Variants in RYK observed in about 807,000 individuals in gnomAD.
RYK encodes the protein receptor like tyrosine kinase, also known as inactive tyrosine-protein kinase RYK.
In RYK, 21 loss-of-function variants were observed where a neutral mutation model predicts 70.2. That is an observed-to-expected ratio of 0.30 (90% CI 0.21 to 0.43). The LOEUF (loss-of-function observed/expected upper bound fraction) is 0.43, where lower values mean the gene tolerates loss of function less well. Among genes scored for constraint, RYK ranks in the 20% least tolerant of loss-of-function variants. The probability of loss-of-function intolerance (pLI) is 1.00; values close to 1 mark genes in which losing one functional copy is unlikely to be tolerated. For synonymous variants in RYK, 267 were observed against 278.0 expected (o/e 0.96, Z 0.39); for missense variants, 604 against 753.3 (o/e 0.80, Z 2.32).
At chr3:134,210,546 T>G (rs1560017816) in intron 3 of RYK, among the ~76,000 whole-genome samples, 1 of 152,238 alleles carries the variant, frequency 6.6e-6, no homozygotes. Flanking sequence ...TTATTTAAGC[T>G]TAATGTATGT....
At chr3:134,212,763 A>G (rs1359331994) in intron 2 of RYK, among the ~76,000 whole-genome samples, 1 of 152,126 alleles carries the variant, frequency 6.6e-6, no homozygotes, top group Non-Finnish European at 1.5e-5. Context: ...AAGGGAAGGG[A>G]TGGCCCTTAC....
chr3:134,217,201 GA>G (rs1289158819), intron 2 of RYK, among the ~76,000 whole-genome samples: 3 of 152,212 alleles, frequency 2.0e-5, no homozygotes, highest in African/African-American at 7.2e-5. Context: ...GGAGCCTGCA[GA>G]TCTCTGGAAG....
At chr3:134,177,428 C>T (rs1256972212) in intron 11 of RYK, among the ~76,000 whole-genome samples, 1 of 152,210 alleles carries the variant, frequency 6.6e-6, no homozygotes, top group South Asian at 2.1e-4. Flanking sequence ...TCATAATATG[C>T]TTGGTATCTG....
At position 134,158,069 on chromosome 3, in the gene RYK, G is replaced by C; in HGVS notation, c.*84C>G. 3.4e-6 allele frequency: 2 copies of C among 587,478 alleles called. No individual in the cohort carries two copies. Among genetic ancestry groups the C allele is most frequent in the Non-Finnish European group, 2.6e-6 (1 of 377,730 alleles). The allele number at this position is 587,478 out of a possible 1,614,324, so 36.4% of individuals were successfully genotyped here. A position where few individuals can be genotyped will look rare whatever the true frequency, so the allele number is the denominator to read the frequency against. ...AGACAAATGTGCTTCTGTTGGCGTTGTGTTAGATACAAAGCATCCCTGACA... is the reference window on the plus strand; with the variant it reads ...AGACAAATGTGCTTCTGTTGGCGTTCTGTTAGATACAAAGCATCCCTGACA... On this transcript the variant is annotated 3_prime_UTR_variant, in exon 15 of 15. Transcript: ENST00000623711.
At chr3:134,239,078 G>A (rs781274769) in intron 1 of RYK, among the ~76,000 whole-genome samples, 39 of 152,112 alleles carry the variant, frequency 2.6e-4, no homozygotes, top group Non-Finnish European at 4.0e-4. Flanking sequence ...CTTATGCAGG[G>A]TATGGAGCTA....
At chr3:134,247,053 A>G (rs570496629) in intron 1 of RYK, among the ~76,000 whole-genome samples, 18 of 152,320 alleles carry the variant, frequency 1.2e-4, no homozygotes, top group African/African-American at 4.3e-4. Context: ...CCAAAGATAA[A>G]TAGGTAACGA....
At chr3:134,215,904 G>C (rs2014536178) in intron 2 of RYK, among the ~76,000 whole-genome samples, 1 of 151,928 alleles carries the variant, frequency 6.6e-6, no homozygotes, top group African/African-American at 2.4e-5. Flanking sequence ...TGGGCATGGT[G>C]GTGGGCACAT....
chr3:134,205,259 G>C (rs1224987323), intron 5 of RYK, among the ~76,000 whole-genome samples: 2 of 152,076 alleles, frequency 1.3e-5, no homozygotes, highest in East Asian at 3.9e-4. Context: ...TTGGAGTTCT[G>C]GGGATAGGTC....
intron 2 of RYK, among the ~76,000 whole-genome samples, chr3:134,221,671 T>A (rs996687973): frequency 2.0e-5 from 3 of 152,194 alleles, no homozygotes; most frequent in East Asian, 3.8e-4. Context: ...ATACTTTTTT[T>A]AAAAACTCTA....
rs190213359 is a variant in RYK, at chr3:134,221,359, C to G, written c.354+1059G>C. ...AGCTGGGAATACAGGTGTGTGCCAC[C>G]ACACCTCGCTAATTTTCGTATTTTT... On this transcript the variant is annotated intron_variant, in intron 2 of 14. Transcript: ENST00000623711. 7.1e-3 allele frequency among the ~76,000 whole-genome samples: 1,070 copies of G among 151,674 alleles called. 24 individuals carry two copies. In the South Asian group the frequency reaches 0.097, roughly 14 times the overall value.
At chr3:134,187,157 G>GGT (rs1232406490) in intron 9 of RYK, among the ~76,000 whole-genome samples, 1 of 152,058 alleles carries the variant, frequency 6.6e-6, no homozygotes, top group Non-Finnish European at 1.5e-5. Flanking sequence ...ATATTAAAGA[G>GGT]GTGTGTGTGT....
At chr3:134,229,271 C>T (rs527801083) in intron 1 of RYK, among the ~76,000 whole-genome samples, 34 of 151,546 alleles carry the variant, frequency 2.2e-4, no homozygotes, top group African/African-American at 6.3e-4. Flanking sequence ...CTTCCCCCTC[C>T]GCCTCGCACT....
chr3:134,231,681 C>T (rs978752240), intron 1 of RYK, among the ~76,000 whole-genome samples: 6 of 152,144 alleles, frequency 3.9e-5, no homozygotes, highest in African/African-American at 1.4e-4. Context: ...TACAACTTTC[C>T]CCTGGCCCTG....
chr3:134,210,464 G>T (rs1471190941), intron 3 of RYK, among the ~76,000 whole-genome samples: 1 of 151,990 alleles, frequency 6.6e-6, no homozygotes, highest in Non-Finnish European at 1.5e-5. Context: ...CCATCTGTAT[G>T]ACTGCATTAA....
intron 9 of RYK, among the ~76,000 whole-genome samples, chr3:134,186,199 A>G (rs1418683526): frequency 6.6e-6 from 1 of 152,242 alleles, no homozygotes; most frequent in East Asian, 1.9e-4. Flanking sequence ...ATGGAATTCA[A>G]TTTCACAATA....
intron 13 of RYK, among the ~76,000 whole-genome samples, chr3:134,159,600 G>A (rs931413274): frequency 1.3e-5 from 2 of 152,146 alleles, no homozygotes; most frequent in Non-Finnish European, 2.9e-5. Context: ...TAGATCCATT[G>A]GAAGTAATAG....
At chr3:134,240,514 T>C (rs755349069) in intron 1 of RYK, among the ~76,000 whole-genome samples, 3 of 152,238 alleles carry the variant, frequency 2.0e-5, no homozygotes, top group Non-Finnish European at 2.9e-5. Context: ...CTACTGTCTA[T>C]GATACTGTAG....
intron 13 of RYK, among the ~76,000 whole-genome samples, chr3:134,166,598 T>C (rs1053625234): frequency 6.6e-6 from 1 of 152,216 alleles, no homozygotes; most frequent in Non-Finnish European, 1.5e-5. Context: ...CCATTACACA[T>C]ATCTGTTATT....
chr3:134,196,582 A>AC (rs2013819633), intron 6 of RYK, among the ~76,000 whole-genome samples: 1 of 128,392 alleles, frequency 7.8e-6, no homozygotes, highest in African/African-American at 2.9e-5. Context: ...TCTGAAACAA[A>AC]ACACACACAC....
Sources: allele counts gnomAD v4.1 joint callset (sites outside exome capture counted in the v4.1 genomes callset), GRCh38; gene constraint gnomAD v4.1.1; transcripts MANE v1.5; gene names NCBI Gene and HGNC (gene_info 2026-07-23, HGNC 2026-07-21).